The following SYNCRIP variants were observed in gnomAD, a reference collection of about 807,000 sequenced individuals.
The protein encoded by SYNCRIP is heterogeneous nuclear ribonucleoprotein Q.
SYNCRIP carries 9 observed loss-of-function variants against 68.9 expected under a neutral mutation model. That is an observed-to-expected ratio of 0.13 (90% CI 0.08 to 0.23). SYNCRIP has a LOEUF of 0.23. Among genes scored for constraint, SYNCRIP ranks in the 10% least tolerant of loss-of-function variants. The probability of loss-of-function intolerance (pLI) is 1.00; values close to 1 mark genes in which losing one functional copy is unlikely to be tolerated. For synonymous variants in SYNCRIP, 258 were observed against 254.0 expected, an observed-to-expected ratio of 1.02 and a Z score of -0.15; for missense variants, 414 against 770.6, an observed-to-expected ratio of 0.54 and a Z score of 5.48.
At chr6:85,612,806 T>TA (rs1805347873), downstream of SYNCRIP, 2 of 1,510,586 alleles carry the variant, frequency 1.3e-6, no homozygotes, top group African/African-American at 2.8e-5. Flanking sequence ...ACAGCCGACA[T>TA]ATTTAAGGTT....
Position 85,632,533 on chromosome 6 carries a change from A to G in SYNCRIP, c.666+4434T>C, listed in dbSNP as rs909919878. On this transcript the variant is annotated intron_variant, in intron 6 of 10. Coordinates refer to ENST00000369622, the MANE Select transcript of SYNCRIP (RefSeq NM_006372.5). ...CAAAAAACATCCAAAAAAACTTGAG[A>G]TTTGTATTTTCTCTAGAATGTTTCA... 6.6e-5 allele frequency among the ~76,000 whole-genome samples: 10 copies of G among 152,324 alleles called. 1 individual carries two copies. In the South Asian group the frequency reaches 8.3e-4, roughly 13 times the overall value.
intron 6 of SYNCRIP, among the ~76,000 whole-genome samples, chr6:85,628,829 C>T (rs948856329): frequency 3.3e-5 from 5 of 152,152 alleles, no homozygotes; most frequent in African/African-American, 1.2e-4. Flanking sequence ...GACGGTCATC[C>T]AAGGCATTTA....
At chr6:85,635,168 A>G (rs78800837) in intron 6 of SYNCRIP, among the ~76,000 whole-genome samples, 4,056 of 152,214 alleles carry the variant, frequency 0.027, 76 homozygotes, top group Middle Eastern at 0.058. Context: ...CTCAAAAAAC[A>G]AATCATAAAA....
chr6:85,641,180 A>G (rs1809098326), intron 2 of SYNCRIP, 112 bp downstream of exon 2: 3 of 797,884 alleles, frequency 3.8e-6, no homozygotes, highest in Non-Finnish European at 6.0e-6. Flanking sequence ...ACAACAAGCA[A>G]AACTCCAGTA....
intron 8 of SYNCRIP, 98 bp from the exon 9 acceptor site, chr6:85,619,515 AT>A: frequency 9.3e-7 from 1 of 1,076,318 alleles, no homozygotes; most frequent in Non-Finnish European, 1.3e-6. Context: ...ATCACAATCC[AT>A]TAGAAGAATG....
At chr6:85,626,189 T>C (rs1021099261) in intron 6 of SYNCRIP, among the ~76,000 whole-genome samples, 1 of 152,244 alleles carries the variant, frequency 6.6e-6, no homozygotes, top group Non-Finnish European at 1.5e-5. Context: ...CACAGAATTA[T>C]GGACAAGTAG....
At position 85,642,781 on chromosome 6, in the gene SYNCRIP, T is replaced by G. The variant is rs918904356; in HGVS notation, c.-13+16A>C. 2.0e-5 allele frequency: 3 copies of G among 152,186 alleles called. No individual in the cohort carries two copies. The highest frequency in any genetic ancestry group is 7.3e-5 in the African/African-American group (3 of 41,292). 9.4% of individuals were successfully genotyped at this position (152,186 alleles called of 1,614,324 possible). On this transcript the variant is annotated intron_variant, in intron 1 of 10. Coordinates refer to ENST00000369622, the MANE Select transcript of SYNCRIP (RefSeq NM_006372.5). ...ATGGAGCTCCCCTCCCACACCCAGG[T>G]TCTGGCAGTCGTTACCTCCCCGTTG... is the stretch of plus-strand genomic sequence containing the variant.
chr6:85,639,045 TA>T (rs1324629351), intron 4 of SYNCRIP, among the ~76,000 whole-genome samples: 1 of 152,004 alleles, frequency 6.6e-6, no homozygotes, highest in African/African-American at 2.4e-5. Flanking sequence ...TCACCTCTGC[TA>T]AAAATACAAA....
intron 6 of SYNCRIP, among the ~76,000 whole-genome samples, chr6:85,630,632 C>G (rs1436660660): frequency 3.3e-5 from 5 of 152,094 alleles, no homozygotes; most frequent in Admixed American, 6.6e-5. Context: ...AGCATCATCA[C>G]CTACTAATTT....
At chr6:85,626,859 G>C (rs1807096199) in intron 6 of SYNCRIP, among the ~76,000 whole-genome samples, 1 of 152,120 alleles carries the variant, frequency 6.6e-6, no homozygotes, top group Admixed American at 6.5e-5. Context: ...CCAAGGCATG[G>C]TAGGTAGAAA....
chr6:85,611,738 G>A (rs968921317), downstream of SYNCRIP: 2 of 152,474 alleles, frequency 1.3e-5, no homozygotes, highest in African/African-American at 4.8e-5. Context: ...ATCATGACCT[G>A]CATAAGAAAT....
chr6:85,634,891 C>T (rs1808270834), intron 6 of SYNCRIP, among the ~76,000 whole-genome samples: 1 of 152,180 alleles, frequency 6.6e-6, no homozygotes, highest in South Asian at 2.1e-4. Flanking sequence ...ACCAACCTGC[C>T]AGGCACAGTG....
chr6:85,617,606 A>G (rs1225744017), intron 10 of SYNCRIP, among the ~76,000 whole-genome samples: 2 of 152,236 alleles, frequency 1.3e-5, no homozygotes, highest in Non-Finnish European at 2.9e-5. Flanking sequence ...CATAATCCAG[A>G]GCTATTACAT....
intron 4 of SYNCRIP, among the ~76,000 whole-genome samples, chr6:85,639,008 G>C (rs1808809835): frequency 6.6e-6 from 1 of 152,160 alleles, no homozygotes; most frequent in South Asian, 2.1e-4. Context: ...AAGAGATTGA[G>C]ACCATCCCGG....
chr6:85,621,826 C>G (rs1044174213), intron 8 of SYNCRIP, among the ~76,000 whole-genome samples: 2 of 149,840 alleles, frequency 1.3e-5, no homozygotes, highest in Non-Finnish European at 2.9e-5. Context: ...CTTTTAACCC[C>G]AAAACCATGT....
chr6:85,643,026 CTCCCT>C (rs1809402045), upstream of SYNCRIP: 1 of 150,632 alleles, frequency 6.6e-6, no homozygotes, highest in Non-Finnish European at 1.5e-5. Flanking sequence ...CTTCCCTCCC[CTCCCT>C]CGCGCGTCCG....
exon 12 of SYNCRIP, chr6:85,608,801 C>T (rs1223872760): frequency 6.6e-6 from 1 of 151,960 alleles, no homozygotes; most frequent in African/African-American, 2.4e-5. Context: ...AAACTGAATG[C>T]TTCTGGTCCT....
intron 8 of SYNCRIP, among the ~76,000 whole-genome samples, chr6:85,620,233 G>A (rs2128282999): frequency 6.6e-6 from 1 of 152,290 alleles, no homozygotes; most frequent in South Asian, 2.1e-4. Flanking sequence ...GTAACACAGC[G>A]AGACTCTGTC....
chr6:85,627,044 T>C (rs930914646), intron 6 of SYNCRIP, among the ~76,000 whole-genome samples: 12 of 152,074 alleles, frequency 7.9e-5, no homozygotes, highest in African/African-American at 1.9e-4. Context: ...GGCGGGCGAA[T>C]TGCCTAAGCT....
Sources: allele counts gnomAD v4.1 joint callset (sites outside exome capture counted in the v4.1 genomes callset), GRCh38; gene constraint gnomAD v4.1.1; transcripts MANE v1.5; gene names NCBI Gene and HGNC (gene_info 2026-07-23, HGNC 2026-07-21).